Variants in AKAP6 observed in about 807,000 individuals in gnomAD.
AKAP6 encodes the protein A-kinase anchoring protein 6.
AKAP6 carries 58 observed loss-of-function variants against 188.5 expected under a neutral mutation model. That is an observed-to-expected ratio of 0.31 (90% confidence interval 0.25 to 0.38). AKAP6 has a LOEUF of 0.38. AKAP6 is among the 10% of genes least tolerant of loss of function. The probability of loss-of-function intolerance (pLI) is 1.00; values close to 1 mark genes in which losing one functional copy is unlikely to be tolerated. For synonymous variants in AKAP6, 989 were observed against 998.6 expected, an observed-to-expected ratio of 0.99 and a Z score of 0.18; for missense variants, 2,710 against 2,740.0, an observed-to-expected ratio of 0.99 and a Z score of 0.24.
intron 9 of AKAP6, among the ~76,000 whole-genome samples, chr14:32,698,333 G>A (rs1334540234): frequency 3.9e-5 from 6 of 152,100 alleles, no homozygotes; most frequent in Non-Finnish European, 7.4e-5. Context: ...CTGATGCCTT[G>A]AGAAAGGGGT....
At chr14:32,680,774 C>A (rs949084462) in intron 8 of AKAP6, among the ~76,000 whole-genome samples, 3 of 152,130 alleles carry the variant, frequency 2.0e-5, no homozygotes, top group South Asian at 2.1e-4. Context: ...GAATATATAA[C>A]CTCTTTAGCC....
At chr14:32,799,646 T>A (rs1324171293) in intron 12 of AKAP6, among the ~76,000 whole-genome samples, 2 of 152,224 alleles carry the variant, frequency 1.3e-5, no homozygotes, top group African/African-American at 4.8e-5. Flanking sequence ...TGATTTCTAG[T>A]TTAATTTCAT....
intron 11 of AKAP6, among the ~76,000 whole-genome samples, chr14:32,755,686 C>T (rs1037029161): frequency 6.6e-6 from 1 of 152,082 alleles, no homozygotes. Context: ...TACCACCACA[C>T]CCAGCAACTT....
intron 12 of AKAP6, among the ~76,000 whole-genome samples, chr14:32,814,417 G>T (rs948882813): frequency 6.6e-6 from 1 of 151,988 alleles, no homozygotes; most frequent in Non-Finnish European, 1.5e-5. Flanking sequence ...CTTCCTCCCC[G>T]CCCGCAGGCC....
intron 2 of AKAP6, among the ~76,000 whole-genome samples, chr14:32,534,878 T>C (rs914692263): frequency 1.3e-5 from 2 of 151,504 alleles, no homozygotes; most frequent in African/African-American, 4.9e-5. Context: ...GGCAGGAGAA[T>C]TGCTTGAACC....
At chr14:32,756,861 G>A (rs952610602) in intron 11 of AKAP6, among the ~76,000 whole-genome samples, 7 of 152,076 alleles carry the variant, frequency 4.6e-5, no homozygotes, top group African/African-American at 7.2e-5. Flanking sequence ...CTAGAATCAC[G>A]GGTGCCATCC....
In AKAP6 at chr14:32,566,713, C is replaced by T. The variant is rs568287547; in HGVS notation, c.2347-10407C>T. Reference sequence around the variant, plus strand: ...TGGCCTAGTGCTATCCAATAGTGTACTCAATTTGCTAAGCCAATAGTACTT... The same window carrying T: ...TGGCCTAGTGCTATCCAATAGTGTATTCAATTTGCTAAGCCAATAGTACTT... On this transcript the variant is annotated intron_variant, in intron 4 of 13. Transcript: ENST00000280979. Among the ~76,000 whole-genome samples the T allele has an allele frequency of 9.2e-5, 14 of 152,242 alleles. No homozygotes were observed. The East Asian group carries it at 2.7e-3, about 29-fold the overall frequency.
chr14:32,764,201 CT>C (rs1310840658), intron 11 of AKAP6, among the ~76,000 whole-genome samples: 1 of 152,174 alleles, frequency 6.6e-6, no homozygotes, highest in Non-Finnish European at 1.5e-5. Flanking sequence ...AAGGTTTTGT[CT>C]GTTTTGTTCA....
rs550600052 is a variant in AKAP6, at chr14:32,461,190, CAA to C, written c.324+27374_324+27375del. Among the ~76,000 whole-genome samples, 419 of 152,230 alleles carry C rather than the reference CAA, an allele frequency of 2.8e-3. 5 individuals carry two copies. Among genetic ancestry groups the C allele is most frequent in the African/African-American group, 9.1e-3 (379 of 41,544 alleles). Reference sequence around the variant, plus strand: ...CTCTGAAATGAGCAGCTGATCCTGACAAGAGGGATTCTCCCAGCACAGCCCAC... The same window carrying C: ...CTCTGAAATGAGCAGCTGATCCTGACGAGGGATTCTCCCAGCACAGCCCAC... On this transcript the variant is annotated intron_variant, in intron 2 of 13. Transcript: ENST00000280979.
At chr14:32,701,690 C>A (rs1164543897) in intron 9 of AKAP6, among the ~76,000 whole-genome samples, 1 of 152,024 alleles carries the variant, frequency 6.6e-6, no homozygotes, top group Non-Finnish European at 1.5e-5. Context: ...TCTCAGAAAA[C>A]AGATTAATCA....
Position 32,545,554 on chromosome 14 carries a change from G to A in AKAP6, c.901G>A (p.Val301Ile), listed in dbSNP as rs1283907262. Residue 301 changes from valine to isoleucine, a missense_variant, in exon 4 of 14, where the codon GTA becomes ATA. Physicochemically the swap from Val to Ile is conservative, Grantham distance 29. This residue lies in a region of AKAP6 where 2,473 missense variants were observed against 2,426.1 expected (regional missense o/e 1.02). Transcript: ENST00000280979. ...GGAGGTATCTCAAGTATCTCTCTCAGTAGACGACAAAGGTGGATGTGAGGA... is the reference window on the plus strand; with the variant it reads ...GGAGGTATCTCAAGTATCTCTCTCAATAGACGACAAAGGTGGATGTGAGGA... ...TEEVSQVSLSVDDKGGCEEDN... is the reference protein window; with the variant it reads ...TEEVSQVSLSIDDKGGCEEDN... 2 of 1,614,110 alleles carry A rather than the reference G, an allele frequency of 1.2e-6. No individual in the cohort carries two copies. Among genetic ancestry groups the A allele is most frequent in the African/African-American group, 2.7e-5 (2 of 74,944 alleles).
chr14:32,710,161 T>G (rs1890982052), intron 9 of AKAP6, among the ~76,000 whole-genome samples: 1 of 149,286 alleles, frequency 6.7e-6, no homozygotes, highest in African/African-American at 2.5e-5. Context: ...TTAAAAAAAT[T>G]TAAAAAGAAA....
intron 9 of AKAP6, 28 bp from the exon 10 acceptor site, chr14:32,732,426 G>T (rs776414954): frequency 1.9e-6 from 3 of 1,599,558 alleles, no homozygotes. Flanking sequence ...TCTCCCTAAT[G>T]ATATCTCTTT....
At chr14:32,610,006 TTG>T (rs1479630889) in intron 7 of AKAP6, among the ~76,000 whole-genome samples, 6 of 152,036 alleles carry the variant, frequency 3.9e-5, no homozygotes, top group African/African-American at 1.2e-4. Context: ...TGTGTAACCA[TTG>T]TGTGTGGGTG....
intron 3 of AKAP6, 26 bp downstream of exon 3, chr14:32,535,831 A>G: frequency 6.3e-7 from 1 of 1,593,510 alleles, no homozygotes; most frequent in Non-Finnish European, 8.6e-7. Flanking sequence ...GAAGTTAAGC[A>G]ATGCATTTCC....
rs1421914996 is a variant in AKAP6 at position 32,835,268 on chromosome 14, T to C, written c.*5463T>C. The stretch of plus-strand genomic sequence containing the variant: ...ACATAAACACCGGCAATAGTTGTGT[T>C]TTTTTTTTCTTTTTACTTCCTAGAT... On this transcript the variant is annotated 3_prime_UTR_variant, in exon 14 of 14. Coordinates refer to ENST00000280979, the MANE Select transcript of AKAP6 (RefSeq NM_004274.5). 1 of 54,610 alleles carries C rather than the reference T, an allele frequency of 1.8e-5. No homozygotes were observed. The highest frequency in any genetic ancestry group is 4.9e-4 in the East Asian group (1 of 2,036). 3.4% of individuals were successfully genotyped at this position (54,610 alleles called of 1,614,324 possible).
At chr14:32,380,832 G>A (rs1234908666) in intron 1 of AKAP6, among the ~76,000 whole-genome samples, 3 of 152,170 alleles carry the variant, frequency 2.0e-5, no homozygotes, top group East Asian at 1.9e-4. Context: ...TTAGAACTTC[G>A]ACTTCTCAAG....
intron 5 of AKAP6, among the ~76,000 whole-genome samples, chr14:32,596,917 C>T (rs879363896): frequency 1.3e-5 from 2 of 152,118 alleles, no homozygotes; most frequent in African/African-American, 2.4e-5. Flanking sequence ...TGTGTCTGCT[C>T]GTCTGCCTTC....
rs2034825473 is a variant in AKAP6, at chr14:32,832,001, T to A, written c.*2196T>A. ...TAATTCTACCACTTTAATAACTATTTGTATTTTTATGCCCCTTCTGATCTT... is the reference window on the plus strand; with the variant it reads ...TAATTCTACCACTTTAATAACTATTAGTATTTTTATGCCCCTTCTGATCTT... On this transcript the variant is annotated 3_prime_UTR_variant, in exon 14 of 14. Transcript: ENST00000280979. 1 of 152,196 alleles carries A rather than the reference T, an allele frequency of 6.6e-6. No homozygotes were observed. Among genetic ancestry groups the A allele is most frequent in the Admixed American group, 6.5e-5 (1 of 15,274 alleles). The allele number at this position is 152,196 out of a possible 1,614,324, so 9.4% of individuals were successfully genotyped here. A position where few individuals can be genotyped will look rare whatever the true frequency, so the allele number is the denominator to read the frequency against.
Sources: allele counts gnomAD v4.1 joint callset (sites outside exome capture counted in the v4.1 genomes callset), GRCh38; gene constraint gnomAD v4.1.1; regional missense constraint gnomAD v4.1.1; transcripts MANE v1.5; gene names NCBI Gene and HGNC (gene_info 2026-07-23, HGNC 2026-07-21).